Variants in TRMT13 observed in about 807,000 individuals in gnomAD.
TRMT13 encodes the protein tRNA:m(4)X modification enzyme TRM13 homolog.
Under a neutral mutation model 55.9 loss-of-function variants are expected in TRMT13, and 45 were observed. The observed-to-expected ratio is 0.80, with a 90% confidence interval of 0.63 to 1.03. The LOEUF (loss-of-function observed/expected upper bound fraction) is 1.03. TRMT13 is among the 50% of genes least tolerant of loss of function. TRMT13 has a pLI of 0.00. For missense variants in TRMT13, 513 were observed against 563.9 expected, an observed-to-expected ratio of 0.91 and a Z score of 0.91; for synonymous variants, 183 against 196.3, an observed-to-expected ratio of 0.93 and a Z score of 0.57.
intron 1 of TRMT13, among the ~76,000 whole-genome samples, chr1:100,136,617 C>T (rs1386587002): frequency 6.6e-6 from 1 of 152,140 alleles, no homozygotes; most frequent in Non-Finnish European, 1.5e-5. Flanking sequence ...AGATTTCAGA[C>T]ACCATATGTA....
chr1:100,137,477 C>T (rs1656031477), intron 3 of TRMT13, among the ~76,000 whole-genome samples: 1 of 152,110 alleles, frequency 6.6e-6, no homozygotes, highest in Non-Finnish European at 1.5e-5. Flanking sequence ...GGATTATAGG[C>T]GTGAGCCACC....
intron 3 of TRMT13, among the ~76,000 whole-genome samples, 177 bp downstream of exon 3, chr1:100,137,262 C>T (rs1033716556): frequency 1.3e-5 from 2 of 152,102 alleles, no homozygotes; most frequent in East Asian, 3.9e-4. Context: ...GTGGCGTGAT[C>T]GTAGCTCACT....
chr1:100,136,024 A>G (rs923127131), intron 1 of TRMT13, among the ~76,000 whole-genome samples: 4 of 152,176 alleles, frequency 2.6e-5, no homozygotes, highest in South Asian at 2.1e-4. Flanking sequence ...AGGCTATACT[A>G]TATAGGCTAG....
At position 100,144,065 on chromosome 1, in the gene TRMT13, T is replaced by G. The variant is rs373399626; in HGVS notation, c.743-4T>G. ...TAGACAGTTAATTCTCATTTCCATT[T>G]CAGACAAGATTCCTGTGCTAAGAGA... On this transcript the variant is annotated splice_region_variant and splice_polypyrimidine_tract_variant and intron_variant, in intron 8 of 10. Transcript: ENST00000370141. 6.2e-7 allele frequency: 1 copy of G among 1,610,928 alleles called. No homozygotes were observed. The highest frequency in any genetic ancestry group is 8.5e-7 in the Non-Finnish European group (1 of 1,177,362).
chr1:100,147,832 G>A (rs1657467168), intron 9 of TRMT13, 62 bp from the exon 10 acceptor site: 1 of 1,458,104 alleles, frequency 6.9e-7, no homozygotes. Flanking sequence ...CTTAATAAAT[G>A]TAAAAAGTAT....
chr1:100,136,510 T>C (rs1014622370), intron 1 of TRMT13, among the ~76,000 whole-genome samples: 6 of 152,218 alleles, frequency 3.9e-5, no homozygotes, highest in Non-Finnish European at 8.8e-5. Context: ...GTGATAAATA[T>C]ATACAACTAT....
At chr1:100,139,257 A>T (rs1257428201) in intron 3 of TRMT13, among the ~76,000 whole-genome samples, 2 of 152,214 alleles carry the variant, frequency 1.3e-5, no homozygotes, top group East Asian at 3.8e-4. Flanking sequence ...TGTAGTTAGT[A>T]CTTTGCTGTT....
intron 3 of TRMT13, 85 bp downstream of exon 3, chr1:100,137,170 A>T: frequency 8.6e-7 from 1 of 1,158,720 alleles, no homozygotes; most frequent in South Asian, 1.4e-5. Flanking sequence ...TACTTGTTTC[A>T]TAGCTGAGGA....
intron 9 of TRMT13, chr1:100,144,510 A>G (rs1656991357): frequency 6.4e-6 from 1 of 156,072 alleles, no homozygotes; most frequent in Admixed American, 6.5e-5. Flanking sequence ...AACCTCTTCT[A>G]CTAAAAGACT....
chr1:100,144,250 C>G, intron 9 of TRMT13, 107 bp downstream of exon 9: 1 of 777,594 alleles, frequency 1.3e-6, no homozygotes, highest in Non-Finnish European at 2.2e-6. Context: ...ATGTTTACAA[C>G]TCAATAATCT....
At position 100,135,069 on chromosome 1, in the gene TRMT13, A is replaced by G. The variant is rs1353676379; in HGVS notation, c.147+1754A>G. 2.6e-5 allele frequency among the ~76,000 whole-genome samples: 4 copies of G among 152,282 alleles called. No homozygotes were observed. In the East Asian group the frequency reaches 5.8e-4, roughly 22 times the overall value. On this transcript the variant is annotated intron_variant, in intron 1 of 10. Coordinates refer to ENST00000370141, the MANE Select transcript of TRMT13 (RefSeq NM_019083.3). ...CAAAATGAAGACATTTTGGTTGTCA[A>G]ACTGAGGAGTATCACTGACATCTAA... is the stretch of plus-strand genomic sequence containing the variant.
chr1:100,144,071 A>G lies in TRMT13; in HGVS notation c.745A>G (p.Lys249Glu). 6 of 1,612,282 alleles carry G rather than the reference A, an allele frequency of 3.7e-6. No individual in the cohort carries two copies. The highest frequency in any genetic ancestry group is 5.1e-6 in the Non-Finnish European group (6 of 1,178,458). ...QIDIQHLCLNKIPVLREEKLP... is the reference protein window; with the variant it reads ...QIDIQHLCLNEIPVLREEKLP... ...GTTAATTCTCATTTCCATTTCAGAC[A>G]AGATTCCTGTGCTAAGAGAAGAAAA... is the stretch of plus-strand genomic sequence containing the variant. Residue 249 changes from lysine (K) to glutamate (E), a missense_variant and splice_region_variant, in exon 9 of 11, where the codon AAG (lysine) becomes GAG (glutamate). Lys to Glu is a moderately conservative substitution (Grantham distance 56). Transcript: ENST00000370141.
At chr1:100,142,071 C>A (rs889556228) in intron 7 of TRMT13, among the ~76,000 whole-genome samples, 2 of 152,154 alleles carry the variant, frequency 1.3e-5, no homozygotes, top group Non-Finnish European at 2.9e-5. Context: ...AGATTTAGTT[C>A]TTGGCTTTGA....
intron 3 of TRMT13, among the ~76,000 whole-genome samples, chr1:100,139,181 CTTATTG>C (rs1162139079): frequency 1.3e-5 from 2 of 152,182 alleles, no homozygotes; most frequent in African/African-American, 4.8e-5. Context: ...AGAAATCAGA[CTTATTG>C]TTATAATATC....
intron 6 of TRMT13, 139 bp downstream of exon 6, chr1:100,140,653 CAT>C (rs1656495387): frequency 4.7e-6 from 4 of 851,976 alleles, no homozygotes; most frequent in African/African-American, 1.7e-5. Flanking sequence ...TATATAGAAA[CAT>C]ATACAAAAAA....
chr1:100,140,481 T>C lies in TRMT13; in HGVS notation c.468T>C (p.Asn156=), dbSNP rs1485727445. The C allele has an allele frequency of 6.2e-7, 1 of 1,614,042 alleles. No homozygotes were observed. Among genetic ancestry groups the C allele is most frequent in the Non-Finnish European group, 8.5e-7 (1 of 1,179,926 alleles). Residue 156 remains asparagine, a synonymous_variant, in exon 6 of 11, where the codon AAT becomes AAC. Transcript: ENST00000370141. ...ALHDALNDPK[N]GDSATKHLKQ... Reference sequence around the variant, plus strand: ...ACGATGCACTTAATGACCCTAAAAATGGCGATTCTGCAACCAAGCACCTGA... The same window carrying C: ...ACGATGCACTTAATGACCCTAAAAACGGCGATTCTGCAACCAAGCACCTGA...
rs572553973 is a variant in TRMT13, at chr1:100,141,081, A to C, written c.669+62A>C. ...TTGTTTTCATTTTTTGTATTCAGGA[A>C]AAAAGTGATAGAAACATTTCTTAAA... On this transcript the variant is annotated intron_variant, in intron 7 of 10. Transcript: ENST00000370141. 60 of 1,393,150 alleles carry C rather than the reference A, an allele frequency of 4.3e-5. No individual in the cohort carries two copies. In the African/African-American group the frequency reaches 7.4e-4, roughly 17 times the overall value. 86.3% of individuals were successfully genotyped at this position (1,393,150 alleles called of 1,614,324 possible).
chr1:100,140,748 A>T, intron 6 of TRMT13, 104 bp from the exon 7 acceptor site: 2 of 1,156,728 alleles, frequency 1.7e-6, no homozygotes, highest in South Asian at 1.6e-5. Context: ...AATACAAATT[A>T]TCAATGTAAG....
chr1:100,134,308 C>A (rs1185948493), intron 1 of TRMT13, among the ~76,000 whole-genome samples: 2 of 152,026 alleles, frequency 1.3e-5, no homozygotes, highest in Non-Finnish European at 2.9e-5. Flanking sequence ...GAGCAAAATG[C>A]TCATAGGAAG....
Sources: allele counts gnomAD v4.1 joint callset (sites outside exome capture counted in the v4.1 genomes callset), GRCh38; gene constraint gnomAD v4.1.1; transcripts MANE v1.5; gene names NCBI Gene and HGNC (gene_info 2026-07-23, HGNC 2026-07-21).